The following IQGAP1 variants were observed in gnomAD, a reference collection of about 807,000 sequenced individuals.
IQGAP1 encodes the protein ras GTPase-activating-like protein IQGAP1.
A neutral mutation model predicts 215.6 loss-of-function variants in IQGAP1; 66 were observed. The ratio of observed to expected loss-of-function variants is 0.31; its 90% CI spans 0.25 to 0.38. IQGAP1 has a LOEUF of 0.38. Among genes scored for constraint, IQGAP1 ranks in the 10% least tolerant of loss-of-function variants. The pLI is 1.00. For missense variants in IQGAP1, 1,712 were observed against 1,997.1 expected (o/e 0.86, Z 2.72); for synonymous variants, 772 against 728.7 (o/e 1.06, Z -0.96).
intron 35 of IQGAP1, chr15:90,494,477 G>A (rs1966246918): frequency 7.0e-6 from 2 of 286,434 alleles, no homozygotes; most frequent in Admixed American, 5.1e-5. Context: ...TAAATTCATG[G>A]GAGTGTTCTC....
At chr15:90,454,700 G>A (rs996819192) in intron 14 of IQGAP1, 148 bp downstream of exon 14, 44 of 872,912 alleles carry the variant, frequency 5.0e-5, no homozygotes, top group Non-Finnish European at 6.9e-5. Flanking sequence ...GTTGGATATT[G>A]TTTTGAGAAC....
intron 10 of IQGAP1, 53 bp downstream of exon 10, chr15:90,448,789 C>A (rs768816914): frequency 5.8e-5 from 78 of 1,334,978 alleles, no homozygotes; most frequent in Non-Finnish European, 7.3e-5. Flanking sequence ...CCATTCGAAT[C>A]CCATGCTGTC....
intron 18 of IQGAP1, among the ~76,000 whole-genome samples, chr15:90,471,522 G>A (rs907009061): frequency 1.3e-4 from 19 of 148,942 alleles, no homozygotes; most frequent in East Asian, 3.9e-4. Flanking sequence ...TTTTTGAAGC[G>A]GAGTTTCGCT....
At chr15:90,429,136 A>G (rs1311498537) in intron 3 of IQGAP1, among the ~76,000 whole-genome samples, 1 of 152,180 alleles carries the variant, frequency 6.6e-6, no homozygotes, top group Non-Finnish European at 1.5e-5. Context: ...TACAGGAATG[A>G]GCCACCGTCC....
chr15:90,478,765 T>C (rs114329711), intron 26 of IQGAP1, among the ~76,000 whole-genome samples: 1 of 152,292 alleles, frequency 6.6e-6, no homozygotes, highest in African/African-American at 2.4e-5. Flanking sequence ...TACAGTTGAA[T>C]GAGAAGGTTC....
chr15:90,445,873 C>G (rs1409070555), intron 9 of IQGAP1, among the ~76,000 whole-genome samples: 1 of 151,384 alleles, frequency 6.6e-6, no homozygotes, highest in Non-Finnish European at 1.5e-5. Flanking sequence ...GAGACAGAGC[C>G]CAGGCTGGAG....
chr15:90,441,030 C>T lies in IQGAP1; in HGVS notation c.649+415C>T, dbSNP rs541079411. Among the ~76,000 whole-genome samples the T allele has an allele frequency of 2.0e-5, 3 of 152,050 alleles. No homozygotes were observed. The South Asian group carries it at 6.2e-4, about 32-fold the overall frequency. On this transcript the variant is annotated intron_variant, in intron 7 of 37. Transcript: ENST00000268182. ...GCTGAGGCAGGAGAATCACTTGAAC[C>T]CAAGAGGCAGAGGTTGCAGTGAGCC...
chr15:90,454,437 T>C lies in IQGAP1; in HGVS notation c.1497T>C (p.Asp499=). Residue 499 remains aspartate (D), a synonymous_variant, in exon 14 of 38, where the codon GAT becomes GAC. Coordinates refer to ENST00000268182, the MANE Select transcript of IQGAP1 (RefSeq NM_003870.4). ...IEEENCQRYL[D]ELMKLKAQAH... is the part of the protein sequence containing the mutation. ...TGGGGGTCTGGGGCAGGTATCTCGA[T>C]GAGTTGATGAAACTGAAGGCTCAGG... is the stretch of plus-strand genomic sequence containing the variant. The C allele has an allele frequency of 6.2e-7, 1 of 1,613,694 alleles. No individual in the cohort carries two copies. Among genetic ancestry groups the C allele is most frequent in the Non-Finnish European group, 8.5e-7 (1 of 1,179,792 alleles).
intron 2 of IQGAP1, among the ~76,000 whole-genome samples, chr15:90,395,653 C>A (rs1217805616): frequency 6.6e-6 from 1 of 152,170 alleles, no homozygotes; most frequent in Non-Finnish European, 1.5e-5. Context: ...GCAATGAATA[C>A]CGTTTCACTC....
intron 2 of IQGAP1, among the ~76,000 whole-genome samples, chr15:90,395,466 G>A (rs1028833016): frequency 2.6e-5 from 4 of 152,014 alleles, no homozygotes; most frequent in Non-Finnish European, 5.9e-5. Flanking sequence ...GACTACAGGC[G>A]CCCACCACCA....
intron 35 of IQGAP1, chr15:90,494,235 A>G (rs1392895125): frequency 6.6e-6 from 1 of 152,340 alleles, no homozygotes; most frequent in East Asian, 1.9e-4. Flanking sequence ...ATAGCCTCCT[A>G]ACCTGTTTCT....
chr15:90,410,201 T>C (rs1475691583), intron 2 of IQGAP1, among the ~76,000 whole-genome samples: 3 of 152,204 alleles, frequency 2.0e-5, no homozygotes, highest in Admixed American at 2.0e-4. Context: ...CTTTTGGTGT[T>C]TTAGACATGA....
At chr15:90,414,854 A>G (rs1474152467) in intron 2 of IQGAP1, among the ~76,000 whole-genome samples, 9 of 151,950 alleles carry the variant, frequency 5.9e-5, no homozygotes. Flanking sequence ...ACATGTTTCA[A>G]CCGTGAATTG....
At chr15:90,459,077 CAG>C (rs937118057) in intron 15 of IQGAP1, among the ~76,000 whole-genome samples, 17 of 152,300 alleles carry the variant, frequency 1.1e-4, no homozygotes, top group African/African-American at 2.2e-4. Flanking sequence ...TCTGGCTACT[CAG>C]AATTAAAAAT....
intron 15 of IQGAP1, among the ~76,000 whole-genome samples, chr15:90,457,718 C>T (rs921083225): frequency 3.3e-5 from 5 of 151,432 alleles, no homozygotes; most frequent in African/African-American, 7.3e-5. Context: ...TTGGGAATTA[C>T]AGGCATGAGC....
chr15:90,434,848 T>C (rs78032540), intron 5 of IQGAP1, among the ~76,000 whole-genome samples: 3,770 of 152,318 alleles, frequency 0.025, 71 homozygotes, highest in Non-Finnish European at 0.039. Flanking sequence ...TCAGATTTGG[T>C]ATACTCAACC....
chr15:90,454,491 A>G lies in IQGAP1; in HGVS notation c.1551A>G (p.Thr517=), dbSNP rs1965651649. Residue 517 remains threonine (T), a synonymous_variant, in exon 14 of 38, where the codon ACA becomes ACG. Transcript: ENST00000268182. ...QAHAENNEFI[T]WNDIQACVDH... is the part of the protein sequence containing the mutation. ...ATGCAGAGAATAATGAATTCATTAC[A>G]TGGAATGATATCCAAGCTTGCGTGG... 1 of 1,611,890 alleles carries G rather than the reference A, an allele frequency of 6.2e-7. No homozygotes were observed. Among genetic ancestry groups the G allele is most frequent in the African/African-American group, 1.3e-5 (1 of 74,778 alleles).
chr15:90,462,026 G>A (rs1213742713), intron 15 of IQGAP1, among the ~76,000 whole-genome samples: 5 of 150,838 alleles, frequency 3.3e-5, no homozygotes, highest in Non-Finnish European at 7.4e-5. Context: ...GCCCGGCATG[G>A]TGGTAGGCGC....
chr15:90,396,219 C>A lies in IQGAP1; in HGVS notation c.155+5346C>A, dbSNP rs977230499. 1.2e-4 allele frequency among the ~76,000 whole-genome samples: 19 copies of A among 152,286 alleles called. No individual in the cohort carries two copies. The East Asian group carries it at 3.5e-3, about 28-fold the overall frequency. On this transcript the variant is annotated intron_variant, in intron 2 of 37. Coordinates refer to ENST00000268182, the MANE Select transcript of IQGAP1 (RefSeq NM_003870.4). Reference sequence around the variant, plus strand: ...ATTTTCTGGGATGGGCTCTTCAGATCTCCTCTCCCTGTAAGTGATTTCAGA... The same window carrying A: ...ATTTTCTGGGATGGGCTCTTCAGATATCCTCTCCCTGTAAGTGATTTCAGA...
Sources: gnomAD v4.1 joint callset for allele counts (sites outside exome capture counted in the v4.1 genomes callset) on GRCh38, gnomAD v4.1.1 for gene constraint, MANE v1.5 for transcripts, NCBI Gene and HGNC (gene_info 2026-07-23, HGNC 2026-07-21) for gene names.